Variants in SYNPO2 observed in about 807,000 individuals in gnomAD.
SYNPO2 encodes the protein synaptopodin-2.
SYNPO2 carries 56 observed loss-of-function variants against 85.0 expected under a neutral mutation model. That is an observed-to-expected ratio of 0.66 (90% CI 0.53 to 0.82). The LOEUF is 0.82. Ranked by LOEUF, SYNPO2 falls within the 40% of genes least tolerant of loss-of-function variation. The pLI, the probability that SYNPO2 is intolerant of heterozygous loss-of-function variation, is 0.00. For missense variants in SYNPO2, 1,575 were observed against 1,534.2 expected (o/e 1.03, Z -0.44); for synonymous variants, 602 against 591.1 (o/e 1.02, Z -0.27).
chr4:119,016,993 G>A (rs2149182062), intron 1 of SYNPO2, among the ~76,000 whole-genome samples: 1 of 152,232 alleles, frequency 6.6e-6, no homozygotes, highest in South Asian at 2.1e-4. Flanking sequence ...GTCTCTGAGA[G>A]TAAAGACAAT....
At chr4:118,894,438 G>A (rs1732479227) in intron 1 of SYNPO2, among the ~76,000 whole-genome samples, 2 of 152,100 alleles carry the variant, frequency 1.3e-5, no homozygotes, top group African/African-American at 4.8e-5. Context: ...AGGGGAACTG[G>A]CAAGAGGGGA....
chr4:118,951,367 T>C (rs1018408323), intron 1 of SYNPO2, among the ~76,000 whole-genome samples: 1 of 152,184 alleles, frequency 6.6e-6, no homozygotes, highest in Non-Finnish European at 1.5e-5. Context: ...AGCCCTTATA[T>C]AAGGTCACTT....
chr4:118,966,985 T>G lies in SYNPO2; in HGVS notation c.106-56445T>G, dbSNP rs981593045. On this transcript the variant is annotated intron_variant, in intron 1 of 4. Transcript: ENST00000307142. ...TCTTTTTCCTCTTTATCCAGTTACTTAAAATGACAGTAATAATAGTTAACC... is the reference window on the plus strand; with the variant it reads ...TCTTTTTCCTCTTTATCCAGTTACTGAAAATGACAGTAATAATAGTTAACC... Among the ~76,000 whole-genome samples, 64 of 152,190 alleles carry G rather than the reference T, an allele frequency of 4.2e-4. 3 individuals carry two copies. Among genetic ancestry groups the G allele is most frequent in the Non-Finnish European group, 1.5e-5 (1 of 68,034 alleles).
intron 1 of SYNPO2, among the ~76,000 whole-genome samples, chr4:118,936,430 A>G (rs1734105251): frequency 6.6e-6 from 1 of 152,228 alleles, no homozygotes; most frequent in Admixed American, 6.5e-5. Context: ...AGCCTCCTGA[A>G]GAACTCTTTA....
intron 1 of SYNPO2, among the ~76,000 whole-genome samples, chr4:118,883,713 C>CTTTTTTT (rs57844329): frequency 6.7e-6 from 1 of 149,036 alleles, no homozygotes; most frequent in Non-Finnish European, 1.5e-5. Context: ...TTCTCTTTTT[C>CTTTTTTT]TTTTTTTTTT....
chr4:118,902,449 A>G (rs187187953), intron 1 of SYNPO2, among the ~76,000 whole-genome samples: 370 of 152,310 alleles, frequency 2.4e-3, no homozygotes, highest in African/African-American at 7.3e-3. Context: ...GAGCCAAGCA[A>G]AAGGGGTTTC....
chr4:118,877,719 G>C (rs1196505838), intron 1 of SYNPO2, among the ~76,000 whole-genome samples: 1 of 152,194 alleles, frequency 6.6e-6, no homozygotes, highest in Admixed American at 6.5e-5. Context: ...ATCCTGGTGA[G>C]GTTGTGGAGA....
At chr4:119,028,258 T>C (rs1738062295) in intron 3 of SYNPO2, among the ~76,000 whole-genome samples, 1 of 151,592 alleles carries the variant, frequency 6.6e-6, no homozygotes, top group South Asian at 2.1e-4. Flanking sequence ...TGGAATTTTA[T>C]TTGAGGATGT....
chr4:119,042,162 C>T (rs1738736566), intron 4 of SYNPO2: 1 of 152,174 alleles, frequency 6.6e-6, no homozygotes, highest in Admixed American at 6.5e-5. Context: ...GCAAACTCTC[C>T]TTCCCTCTCA....
At chr4:118,912,826 GT>G (rs1369631876) in intron 1 of SYNPO2, among the ~76,000 whole-genome samples, 1 of 152,198 alleles carries the variant, frequency 6.6e-6, no homozygotes, top group African/African-American at 2.4e-5. Context: ...AGACTCAGCA[GT>G]TATAAAACAA....
chr4:119,019,373 A>ATT (rs1189664911), intron 1 of SYNPO2, among the ~76,000 whole-genome samples: 2 of 152,156 alleles, frequency 1.3e-5, no homozygotes, highest in Non-Finnish European at 2.9e-5. Flanking sequence ...GGTCTAATAT[A>ATT]TTATATGTAG....
intron 1 of SYNPO2, among the ~76,000 whole-genome samples, chr4:118,917,394 A>G (rs746303489): frequency 6.6e-6 from 1 of 152,104 alleles, no homozygotes; most frequent in African/African-American, 2.4e-5. Context: ...TCCATCTCGA[A>G]CAGAAAACAA....
chr4:119,035,102 C>T (rs1392654480), intron 4 of SYNPO2: 1 of 985,286 alleles, frequency 1.0e-6, no homozygotes, highest in Non-Finnish European at 1.2e-6. Flanking sequence ...GTATATTATC[C>T]CAAATCCACT....
chr4:119,049,715 T>C (rs921388133), intron 4 of SYNPO2, among the ~76,000 whole-genome samples: 1 of 152,222 alleles, frequency 6.6e-6, no homozygotes, highest in African/African-American at 2.4e-5. Flanking sequence ...ACTAAGCTGT[T>C]TTATTAACAA....
intron 2 of SYNPO2, among the ~76,000 whole-genome samples, chr4:119,025,615 A>C (rs1358883563): frequency 5.3e-5 from 8 of 152,132 alleles, no homozygotes; most frequent in Admixed American, 5.2e-4. Flanking sequence ...GTAGAAGCTC[A>C]CGCCCTTCAG....
At chr4:118,851,404 T>A (rs1026030985) in intron 1 of SYNPO2, among the ~76,000 whole-genome samples, 1 of 152,090 alleles carries the variant, frequency 6.6e-6, no homozygotes, top group Non-Finnish European at 1.5e-5. Context: ...GGAGAATCGC[T>A]TGAACCTGGG....
At chr4:118,989,378 G>A (rs1235730176) in intron 1 of SYNPO2, among the ~76,000 whole-genome samples, 1 of 152,214 alleles carries the variant, frequency 6.6e-6, no homozygotes, top group Non-Finnish European at 1.5e-5. Flanking sequence ...AAGACTGAGT[G>A]AGAGTCAGAG....
intron 1 of SYNPO2, among the ~76,000 whole-genome samples, chr4:118,876,705 CTTTCTTTCTT>C (rs1731928816): frequency 7.7e-6 from 1 of 129,138 alleles, no homozygotes; most frequent in African/African-American, 3.0e-5. Context: ...TTCTTTCTTT[CTTTCTTTCTT>C]TCTTTCTTTC....
intron 1 of SYNPO2, among the ~76,000 whole-genome samples, chr4:118,908,512 A>G (rs1053079500): frequency 3.3e-5 from 5 of 152,222 alleles, no homozygotes; most frequent in African/African-American, 4.8e-5. Flanking sequence ...AGATCGTTTC[A>G]GGATAAAAAA....
Sources: gnomAD v4.1 joint callset for allele counts (sites outside exome capture counted in the v4.1 genomes callset) on GRCh38, gnomAD v4.1.1 for gene constraint, MANE v1.5 for transcripts, NCBI Gene and HGNC (gene_info 2026-07-23, HGNC 2026-07-21) for gene names.